Variants in DSE observed in about 807,000 individuals in gnomAD.
DSE encodes the protein dermatan-sulfate epimerase.
DSE carries 36 observed loss-of-function variants against 84.4 expected under a neutral mutation model. The ratio of observed to expected loss-of-function variants is 0.43; its 90% confidence interval spans 0.33 to 0.56. DSE has a LOEUF of 0.56. Ranked by LOEUF, DSE falls within the 20% of genes least tolerant of loss-of-function variation. The pLI is 0.06. For synonymous variants in DSE, 410 were observed against 430.1 expected, an observed-to-expected ratio of 0.95 and a Z score of 0.58; for missense variants, 862 against 1,169.6, an observed-to-expected ratio of 0.74 and a Z score of 3.84.
At chr6:116,350,344 C>G (rs1778235267) in intron 2 of DSE, among the ~76,000 whole-genome samples, 1 of 152,110 alleles carries the variant, frequency 6.6e-6, no homozygotes, top group South Asian at 2.1e-4. Flanking sequence ...TCTTCTACTT[C>G]TAACTTCTGT....
intron 2 of DSE, among the ~76,000 whole-genome samples, chr6:116,424,694 T>C (rs1331912255): frequency 6.6e-6 from 1 of 152,140 alleles, no homozygotes; most frequent in Non-Finnish European, 1.5e-5. Flanking sequence ...GGGAAACATA[T>C]ACATAGACAT....
At chr6:116,410,058 T>A (rs1782211445) in intron 2 of DSE, among the ~76,000 whole-genome samples, 1 of 152,230 alleles carries the variant, frequency 6.6e-6, no homozygotes, top group African/African-American at 2.4e-5. Context: ...GCTTGGACTT[T>A]TTTTTACAAG....
intron 4 of DSE, 82 bp downstream of exon 4, chr6:116,431,275 G>A (rs993371896): frequency 1.3e-6 from 2 of 1,531,642 alleles, no homozygotes; most frequent in South Asian, 2.5e-5. Flanking sequence ...ACTAGGCAGA[G>A]AAATTAGGTC....
chr6:116,275,550 C>T (rs990722136), intron 2 of DSE, among the ~76,000 whole-genome samples: 4 of 152,172 alleles, frequency 2.6e-5, no homozygotes, highest in Admixed American at 1.3e-4. Flanking sequence ...CCTGTAATCC[C>T]AGCACTTTGG....
chr6:116,383,576 T>G (rs950138707), intron 1 of DSE, among the ~76,000 whole-genome samples: 2 of 152,238 alleles, frequency 1.3e-5, no homozygotes, highest in African/African-American at 4.8e-5. Context: ...GCATTAAATA[T>G]CTGGCCATAT....
rs560491649 is a variant in DSE, at chr6:116,425,653, C to T, written c.417-921C>T. ...TATTTTTTTTTTTGAGACGGAGTCTCGCTGTGTCTCCCAGGTTGGAGTGCA... is the reference window on the plus strand; with the variant it reads ...TATTTTTTTTTTTGAGACGGAGTCTTGCTGTGTCTCCCAGGTTGGAGTGCA... On this transcript the variant is annotated intron_variant, in intron 2 of 5. Transcript: ENST00000644252. Among the ~76,000 whole-genome samples the T allele has an allele frequency of 6.5e-5, 9 of 139,238 alleles. 1 individual carries two copies. The South Asian group carries it at 1.1e-3, about 17-fold the overall frequency. The allele number at this position is 139,238 out of a possible 152,430, so 91.3% of individuals were successfully genotyped here. A position where few individuals can be genotyped will look rare whatever the true frequency, so the allele number is the denominator to read the frequency against.
At chr6:116,373,668 G>T (rs994435899) in intron 1 of DSE, among the ~76,000 whole-genome samples, 1 of 152,190 alleles carries the variant, frequency 6.6e-6, no homozygotes, top group African/African-American at 2.4e-5. Context: ...GTGCTGCCCT[G>T]AGAGGACCTG....
intron 1 of DSE, among the ~76,000 whole-genome samples, chr6:116,385,259 A>G (rs1780510142): frequency 6.6e-6 from 1 of 152,184 alleles, no homozygotes; most frequent in African/African-American, 2.4e-5. Flanking sequence ...GCTTATCTGA[A>G]TGAGGTGGGA....
At chr6:116,309,373 G>A (rs58018017) in intron 2 of DSE, among the ~76,000 whole-genome samples, 29,054 of 151,964 alleles carry the variant, frequency 0.19, 3,120 homozygotes, top group East Asian at 0.28. Flanking sequence ...AAGGTCAATT[G>A]CCTATTATCT....
intron 2 of DSE, among the ~76,000 whole-genome samples, chr6:116,338,209 TTTC>T (rs1413090849): frequency 6.9e-6 from 1 of 144,386 alleles, no homozygotes; most frequent in Non-Finnish European, 1.5e-5. Context: ...TCTTACCTTC[TTTC>T]TTCTTTCTTT....
At chr6:116,420,834 C>G (rs887258215) in intron 2 of DSE, among the ~76,000 whole-genome samples, 1 of 152,098 alleles carries the variant, frequency 6.6e-6, no homozygotes, top group African/African-American at 2.4e-5. Flanking sequence ...AAATAGATAG[C>G]AACATTGTTT....
chr6:116,277,733 C>G (rs943805776), intron 2 of DSE: 2 of 151,976 alleles, frequency 1.3e-5, no homozygotes, highest in Non-Finnish European at 2.9e-5. Context: ...GAAACCCCGT[C>G]TCTACTAAAA....
intron 2 of DSE, chr6:116,278,261 T>C (rs1316533682): frequency 6.1e-6 from 3 of 490,424 alleles, no homozygotes; most frequent in Non-Finnish European, 1.1e-5. Context: ...TTTGCTTGGC[T>C]TACAAGTAGT....
chr6:116,271,969 T>C (rs1412622968), intron 2 of DSE, among the ~76,000 whole-genome samples: 1 of 152,234 alleles, frequency 6.6e-6, no homozygotes, highest in African/African-American at 2.4e-5. Context: ...CCTCAAGCTT[T>C]ACCGTTACTC....
chr6:116,421,294 T>G (rs896359453), intron 2 of DSE, among the ~76,000 whole-genome samples: 1 of 151,668 alleles, frequency 6.6e-6, no homozygotes, highest in Non-Finnish European at 1.5e-5. Context: ...CTTTGTTTAT[T>G]TGGGCTGTAT....
At chr6:116,426,921 A>G (rs147922835) in intron 3 of DSE, 94 bp downstream of exon 3, 76 of 1,477,458 alleles carry the variant, frequency 5.1e-5, no homozygotes, top group Non-Finnish European at 6.5e-5. Flanking sequence ...TTCTTAGTAC[A>G]TGTTCATACT....
intron 2 of DSE, among the ~76,000 whole-genome samples, chr6:116,301,367 G>C (rs1324695849): frequency 6.6e-6 from 1 of 152,180 alleles, no homozygotes; most frequent in Non-Finnish European, 1.5e-5. Flanking sequence ...TGTGCAACTA[G>C]GCTGTATGAT....
intron 2 of DSE, among the ~76,000 whole-genome samples, chr6:116,295,589 A>T (rs975055409): frequency 6.6e-6 from 1 of 152,224 alleles, no homozygotes; most frequent in African/African-American, 2.4e-5. Context: ...TTTAAAGTAG[A>T]GCTGTCTAGA....
At chr6:116,434,480 A>C (rs1784034916) in intron 5 of DSE, among the ~76,000 whole-genome samples, 1 of 135,338 alleles carries the variant, frequency 7.4e-6, no homozygotes, top group African/African-American at 2.4e-5. Context: ...ACCATCCTTG[A>C]GTTCTCTCAG....
Sources: gnomAD v4.1 joint callset for allele counts (sites outside exome capture counted in the v4.1 genomes callset) on GRCh38, gnomAD v4.1.1 for gene constraint, MANE v1.5 for transcripts, NCBI Gene and HGNC (gene_info 2026-07-23, HGNC 2026-07-21) for gene names.